Variants in GLE1 observed in about 807,000 individuals in gnomAD.
The protein encoded by GLE1 is mRNA export factor GLE1.
Under a neutral mutation model 97.3 loss-of-function variants are expected in GLE1, and 78 were observed. The observed-to-expected ratio is 0.80, with a 90% CI of 0.67 to 0.97. The LOEUF (loss-of-function observed/expected upper bound fraction) is 0.97, where lower values mean the gene tolerates loss of function less well. Ranked by LOEUF, GLE1 falls within the 50% of genes least tolerant of loss-of-function variation. The probability of loss-of-function intolerance (pLI) is 0.00; values close to 1 mark genes in which losing one functional copy is unlikely to be tolerated. For synonymous variants in GLE1, 302 were observed against 313.4 expected, an observed-to-expected ratio of 0.96 and a Z score of 0.39; for missense variants, 753 against 857.5, an observed-to-expected ratio of 0.88 and a Z score of 1.52.
chr9:128,538,358 T>C (rs1847785047), intron 13 of GLE1, among the ~76,000 whole-genome samples: 2 of 152,166 alleles, frequency 1.3e-5, no homozygotes, highest in South Asian at 2.1e-4. Flanking sequence ...GAATTTGTTT[T>C]AGGGATATAG....
At position 128,541,415 on chromosome 9, in the gene GLE1, G is replaced by C. The variant is rs558119779; in HGVS notation, c.*245G>C. On this transcript the variant is annotated 3_prime_UTR_variant, in exon 16 of 16. Transcript: ENST00000309971. Reference sequence around the variant, plus strand: ...AAAATAAATGGAGTTGGCCTTTCTTGTTTTTTGCAAAAGTGATAAAAGGTC... The same window carrying C: ...AAAATAAATGGAGTTGGCCTTTCTTCTTTTTTGCAAAAGTGATAAAAGGTC... 3 of 536,258 alleles carry C rather than the reference G, an allele frequency of 5.6e-6. No homozygotes were observed. In the South Asian group the frequency reaches 6.5e-5, roughly 12 times the overall value. The allele number at this position is 536,258 out of a possible 1,614,324, so 33.2% of individuals were successfully genotyped here.
chr9:128,514,076 G>C (rs1408273540), intron 2 of GLE1, among the ~76,000 whole-genome samples: 2 of 151,416 alleles, frequency 1.3e-5, no homozygotes, highest in Non-Finnish European at 2.9e-5. Flanking sequence ...AGTGGCTCAT[G>C]CCTGTAATTG....
At chr9:128,517,440 T>C (rs377125673) in intron 3 of GLE1, among the ~76,000 whole-genome samples, 1 of 152,348 alleles carries the variant, frequency 6.6e-6, no homozygotes, top group South Asian at 2.1e-4. Flanking sequence ...GCTTATATTG[T>C]GGTGGGAAGA....
intron 12 of GLE1, among the ~76,000 whole-genome samples, chr9:128,537,185 C>G (rs993757875): frequency 7.9e-5 from 12 of 151,340 alleles, no homozygotes; most frequent in Admixed American, 7.9e-4. Context: ...GGCGAGGTAG[C>G]TTCAGGCCTG....
intron 9 of GLE1, among the ~76,000 whole-genome samples, chr9:128,531,502 G>A (rs1181889382): frequency 2.0e-5 from 3 of 151,136 alleles, no homozygotes; most frequent in East Asian, 3.9e-4. Context: ...CTCCAGCCTG[G>A]GTGACAGAGT....
At chr9:128,527,783 G>A (rs2132475438) in intron 9 of GLE1, among the ~76,000 whole-genome samples, 1 of 151,844 alleles carries the variant, frequency 6.6e-6, no homozygotes, top group South Asian at 2.1e-4. Context: ...AACCAACATA[G>A]TGAAACCCTG....
intron 2 of GLE1, among the ~76,000 whole-genome samples, chr9:128,514,757 T>G (rs1180128047): frequency 1.3e-5 from 2 of 152,096 alleles, no homozygotes; most frequent in East Asian, 3.9e-4. Context: ...GTCAGGATAG[T>G]CTCAAACTCC....
At chr9:128,531,239 G>A (rs1847495160) in intron 9 of GLE1, among the ~76,000 whole-genome samples, 1 of 149,870 alleles carries the variant, frequency 6.7e-6, no homozygotes, top group African/African-American at 2.5e-5. Flanking sequence ...AAAAAAAGGT[G>A]GATGTCAGCT....
chr9:128,526,872 G>A (rs899775304), intron 7 of GLE1, among the ~76,000 whole-genome samples: 10 of 152,104 alleles, frequency 6.6e-5, no homozygotes, highest in African/African-American at 2.2e-4. Context: ...ATTTCACCAT[G>A]TTGTGCAAGC....
At position 128,539,628 on chromosome 9, in the gene GLE1, GCCCTCATGAAGCAATA is replaced by G. The variant is rs773451605; in HGVS notation, c.1897_1912del (p.Leu633ArgfsTer8). On this transcript the variant is annotated frameshift_variant, in exon 14 of 16. Coordinates refer to ENST00000309971, the MANE Select transcript of GLE1 (RefSeq NM_001003722.2). LOFTEE classifies it high-confidence loss of function. ...TCTTTCCCTCTAGGTGTGTGGGAAT[GCCCTCATGAAGCAATA>G]CCAGGTTCAGTTCTGGAAGATGCTA... is the stretch of plus-strand genomic sequence containing the variant. The G allele has an allele frequency of 6.2e-7, 1 of 1,612,476 alleles. No homozygotes were observed. The highest frequency in any genetic ancestry group is 1.1e-5 in the South Asian group (1 of 91,062).
At chr9:128,532,592 A>C (rs1847554361) in intron 9 of GLE1, 1 of 246,468 alleles carries the variant, frequency 4.1e-6, no homozygotes, top group Non-Finnish European at 6.5e-6. Context: ...AGGTCTCAGG[A>C]GCTAGAAACT....
chr9:128,525,777 T>A (rs554293325), intron 7 of GLE1, among the ~76,000 whole-genome samples: 42 of 152,036 alleles, frequency 2.8e-4, no homozygotes, highest in African/African-American at 9.9e-4. Context: ...AATAAAAAAA[T>A]TAGCTGGGCA....
Position 128,533,518 on chromosome 9 carries a change from A to G in GLE1, c.1318A>G (p.Lys440Glu). The G allele has an allele frequency of 6.2e-7, 1 of 1,612,118 alleles. No individual in the cohort carries two copies. Among genetic ancestry groups the G allele is most frequent in the Non-Finnish European group, 8.5e-7 (1 of 1,178,218 alleles). Residue 440 changes from lysine (K) to glutamate (E), a missense_variant, in exon 10 of 16, where the codon AAA (lysine) becomes GAA (glutamate). Physicochemically the swap from Lys to Glu is moderately conservative, Grantham distance 56 (BLOSUM62 1). Transcript: ENST00000309971. ...TTTCTCTCTATCATGCTCAGGCTCA[A>G]AACTGAAGGAGATCTTTGACAAGAT... ...VSQISTIAGS[K>E]LKEIFDKIHS...
At chr9:128,513,628 G>A (rs980685230) in intron 2 of GLE1, among the ~76,000 whole-genome samples, 1 of 151,330 alleles carries the variant, frequency 6.6e-6, no homozygotes, top group African/African-American at 2.4e-5. Flanking sequence ...GAGGATCCTT[G>A]ATCCTGGAAG....
chr9:128,539,843 T>C, intron 14 of GLE1, 145 bp downstream of exon 14: 1 of 1,536,178 alleles, frequency 6.5e-7, no homozygotes, highest in Non-Finnish European at 8.7e-7. Flanking sequence ...CCAGTCCCTC[T>C]CGTTGATATT....
chr9:128,531,345 T>G (rs895323846), intron 9 of GLE1, among the ~76,000 whole-genome samples: 1 of 149,772 alleles, frequency 6.7e-6, no homozygotes, highest in African/African-American at 2.5e-5. Flanking sequence ...CTGGCCAATG[T>G]GGTGAAACCC....
At chr9:128,522,872 C>A (rs1250425695) in intron 4 of GLE1, 56 bp downstream of exon 4, 4 of 1,591,352 alleles carry the variant, frequency 2.5e-6, no homozygotes, top group Non-Finnish European at 3.4e-6. Context: ...GGAACTCTTT[C>A]CCAAGAGGAA....
At chr9:128,511,631 G>A (rs949197805) in intron 2 of GLE1, among the ~76,000 whole-genome samples, 13 of 151,216 alleles carry the variant, frequency 8.6e-5, no homozygotes, top group African/African-American at 2.4e-4. Context: ...ATGTGAACGC[G>A]GGAGGCAGAG....
At chr9:128,526,837 T>C (rs913696080) in intron 7 of GLE1, among the ~76,000 whole-genome samples, 1 of 152,006 alleles carries the variant, frequency 6.6e-6, no homozygotes, top group Non-Finnish European at 1.5e-5. Context: ...GCCTGGCTAA[T>C]TTGTGTATTT....
Sources: gnomAD v4.1 joint callset for allele counts (sites outside exome capture counted in the v4.1 genomes callset) on GRCh38, gnomAD v4.1.1 for gene constraint, MANE v1.5 for transcripts, NCBI Gene and HGNC (gene_info 2026-07-23, HGNC 2026-07-21) for gene names.